PIK3R3: variants seen among roughly 807,000 people sequenced by gnomAD.
PIK3R3 encodes the protein phosphoinositide-3-kinase regulatory subunit 3.
A neutral mutation model predicts 62.9 loss-of-function variants in PIK3R3; 64 were observed. The observed-to-expected ratio is 1.02, with a 90% CI of 0.83 to 1.25. The LOEUF (loss-of-function observed/expected upper bound fraction) is 1.25. Among genes scored for constraint, PIK3R3 ranks in the 50% most tolerant of loss-of-function variants. The probability of loss-of-function intolerance (pLI) is 0.00; values close to 1 mark genes in which losing one functional copy is unlikely to be tolerated. For synonymous variants in PIK3R3, 165 were observed against 189.0 expected (o/e 0.87, Z 1.04); for missense variants, 614 against 561.6 (o/e 1.09, Z -0.94).
chr1:46,132,577 C>A lies in PIK3R3; in HGVS notation c.-625G>T, dbSNP rs181356616. On this transcript the variant is annotated 5_prime_UTR_variant, in exon 1 of 10. Transcript: ENST00000262741. ...TCAGCTCGGCTTGTCTGGGCGCTCC[C>A]GCCGGGGTGTAAGAACCAACCCGAC... The A allele has an allele frequency of 3.9e-6, 5 of 1,286,562 alleles. No homozygotes were observed. Among genetic ancestry groups the A allele is most frequent in the Non-Finnish European group, 5.1e-6 (5 of 987,162 alleles). The allele number at this position is 1,286,562 out of a possible 1,614,324, so 79.7% of individuals were successfully genotyped here.
At chr1:46,086,240 G>T (rs1327739356) in intron 1 of PIK3R3, among the ~76,000 whole-genome samples, 2 of 152,184 alleles carry the variant, frequency 1.3e-5, no homozygotes, top group African/African-American at 2.4e-5. Context: ...ATGGGGAACA[G>T]CAGAGAACAC....
intron 3 of PIK3R3, among the ~76,000 whole-genome samples, chr1:46,071,759 A>AGAGAGAGAGAGCGAGCGAGC (rs777668187): frequency 1.4e-4 from 14 of 100,124 alleles, no homozygotes; most frequent in East Asian, 4.9e-4. Flanking sequence ...AGAGAGAGAG[A>AGAGAGAGAGAGCGAGCGAGC]GCGCGCGCCT....
chr1:46,173,612 G>A, the PIK3R3 span, among the ~76,000 whole-genome samples: 1 of 152,178 alleles, frequency 6.6e-6, no homozygotes, highest in East Asian at 1.9e-4. Flanking sequence ...TCATCCGGGA[G>A]CCACCTAAAC....
chr1:46,063,512 C>A (rs894489599), intron 5 of PIK3R3, among the ~76,000 whole-genome samples: 6 of 152,138 alleles, frequency 3.9e-5, no homozygotes, highest in Admixed American at 2.0e-4. Flanking sequence ...AAAGTTCTGG[C>A]CCTGGATCTT....
In PIK3R3 at chr1:46,043,853, C is replaced by T; in HGVS notation, c.1206G>A (p.Lys402=). ...ACSVVADGEV[K]HCVIYSTARG... Reference sequence around the variant, plus strand: ...GAGCAGTGCTGTAGATCACACAGTGCTTCACTTCCCCATCGGCCCTGCAAT... The same window carrying T: ...GAGCAGTGCTGTAGATCACACAGTGTTTCACTTCCCCATCGGCCCTGCAAT... The change falls in exon 10 of 10, where the codon AAG becomes AAA. Residue 402 remains lysine (K), a synonymous_variant. Transcript: ENST00000262741. 3 of 1,613,662 alleles carry T rather than the reference C, an allele frequency of 1.9e-6. No homozygotes were observed. Among genetic ancestry groups the T allele is most frequent in the Non-Finnish European group, 2.5e-6 (3 of 1,179,746 alleles).
chr1:46,096,385 C>G (rs1652124749), intron 1 of PIK3R3, among the ~76,000 whole-genome samples: 3 of 152,174 alleles, frequency 2.0e-5, no homozygotes, highest in Non-Finnish European at 2.9e-5. Flanking sequence ...TAGTCTCTCT[C>G]ATCTCTAATT....
chr1:46,170,411 GTGTTTGTTTGTT>G, the PIK3R3 span, among the ~76,000 whole-genome samples: 2 of 151,970 alleles, frequency 1.3e-5, no homozygotes, highest in Non-Finnish European at 2.9e-5. Flanking sequence ...GTCTGGTTTG[GTGTTTGTTTGTT>G]TGTTTGTTTG....
At chr1:46,084,156 G>C (rs1302171150) in intron 1 of PIK3R3, among the ~76,000 whole-genome samples, 4 of 152,162 alleles carry the variant, frequency 2.6e-5, no homozygotes, top group African/African-American at 4.8e-5. Flanking sequence ...AGTGAAAGAA[G>C]CCTGTCATGA....
At chr1:46,111,785 TTATC>T (rs1460753411) in intron 1 of PIK3R3, among the ~76,000 whole-genome samples, 1 of 152,114 alleles carries the variant, frequency 6.6e-6, no homozygotes, top group Non-Finnish European at 1.5e-5. Flanking sequence ...TATAAAATCT[TTATC>T]TAGGTGGTGG....
intron 1 of PIK3R3, among the ~76,000 whole-genome samples, chr1:46,122,710 C>A (rs1654784946): frequency 2.0e-5 from 3 of 152,088 alleles, no homozygotes; most frequent in African/African-American, 7.2e-5. Flanking sequence ...CAATTTTACT[C>A]AGAGCTATAT....
chr1:46,096,434 T>C (rs1269522563), intron 1 of PIK3R3, among the ~76,000 whole-genome samples: 1 of 152,210 alleles, frequency 6.6e-6, no homozygotes, highest in Non-Finnish European at 1.5e-5. Context: ...AAAGACAGTA[T>C]ACTAGGCAGA....
Position 46,131,991 on chromosome 1 carries a change from G to C in PIK3R3, c.-39C>G, listed in dbSNP as rs1322824972. The C allele has an allele frequency of 6.3e-7, 1 of 1,593,402 alleles. No individual in the cohort carries two copies. Among genetic ancestry groups the C allele is most frequent in the South Asian group, 1.1e-5 (1 of 87,158 alleles). ...GCAGGTCGCCAGGAGATATATAGAA[G>C]GCATATATTTTTTATCTGGTATTTA... On this transcript the variant is annotated 5_prime_UTR_variant, in exon 1 of 10. Transcript: ENST00000262741.
intron 3 of PIK3R3, among the ~76,000 whole-genome samples, chr1:46,071,557 G>C (rs191622021): frequency 6.6e-6 from 1 of 150,778 alleles, no homozygotes; most frequent in East Asian, 1.9e-4. Context: ...TTAGCTGGGC[G>C]TGGTGGCACA....
intron 1 of PIK3R3, among the ~76,000 whole-genome samples, chr1:46,103,113 T>C (rs1386373967): frequency 6.6e-6 from 1 of 152,076 alleles, no homozygotes; most frequent in Non-Finnish European, 1.5e-5. Context: ...GTAACTGAAG[T>C]AGACAAAATC....
chr1:46,170,755 T>C, the PIK3R3 span, among the ~76,000 whole-genome samples: 1 of 152,142 alleles, frequency 6.6e-6, no homozygotes. Flanking sequence ...CCAGGCTCCC[T>C]ACCTCCCCTC....
At chr1:46,174,645 T>A in the PIK3R3 span, among the ~76,000 whole-genome samples, 3 of 152,000 alleles carry the variant, frequency 2.0e-5, no homozygotes, top group African/African-American at 7.3e-5. Flanking sequence ...CTACAAAATG[T>A]TCCCAGCGAC....
intron 1 of PIK3R3, among the ~76,000 whole-genome samples, chr1:46,082,725 A>T (rs1006285637): frequency 1.3e-5 from 2 of 152,146 alleles, no homozygotes; most frequent in African/African-American, 4.8e-5. Context: ...ATTGTAAGCA[A>T]TCTTGGGGGG....
intron 1 of PIK3R3, among the ~76,000 whole-genome samples, chr1:46,090,065 T>C (rs1651471233): frequency 6.6e-6 from 1 of 152,170 alleles, no homozygotes; most frequent in African/African-American, 2.4e-5. Flanking sequence ...AGGCAACTGA[T>C]GATTTTGTAC....
At chr1:46,091,777 T>G (rs1457769084) in intron 1 of PIK3R3, among the ~76,000 whole-genome samples, 1 of 152,136 alleles carries the variant, frequency 6.6e-6, no homozygotes, top group South Asian at 2.1e-4. Context: ...TCCAAGGATG[T>G]TCAAAGTCCA....
Sources: gnomAD v4.1 joint callset for allele counts (sites outside exome capture counted in the v4.1 genomes callset) on GRCh38, gnomAD v4.1.1 for gene constraint, MANE v1.5 for transcripts, NCBI Gene and HGNC (gene_info 2026-07-23, HGNC 2026-07-21) for gene names.